Variants in PDE4B observed in about 807,000 individuals in gnomAD.
PDE4B encodes the protein phosphodiesterase 4B.
A neutral mutation model predicts 82.2 loss-of-function variants in PDE4B; 20 were observed. That is an observed-to-expected ratio of 0.24 (90% CI 0.17 to 0.35). The LOEUF is 0.35. Ranked by LOEUF, PDE4B falls within the 10% of genes least tolerant of loss-of-function variation. The pLI is 1.00. For synonymous variants in PDE4B, 320 were observed against 318.9 expected, an observed-to-expected ratio of 1.00 and a Z score of -0.04; for missense variants, 655 against 907.2, an observed-to-expected ratio of 0.72 and a Z score of 3.57.
chr1:65,989,117 C>CT (rs1210690921), intron 3 of PDE4B, among the ~76,000 whole-genome samples: 21 of 152,048 alleles, frequency 1.4e-4, no homozygotes, highest in African/African-American at 4.6e-4. Flanking sequence ...GACTATATAA[C>CT]TATTCAAATC....
intron 3 of PDE4B, among the ~76,000 whole-genome samples, chr1:66,136,178 C>T (rs1230262064): frequency 2.0e-5 from 3 of 152,140 alleles, no homozygotes; most frequent in Admixed American, 2.0e-4. Context: ...TCCACTAGTA[C>T]CACCCTAATC....
chr1:66,306,454 A>T (rs1364433547), intron 7 of PDE4B, among the ~76,000 whole-genome samples: 3 of 152,154 alleles, frequency 2.0e-5, no homozygotes, highest in Non-Finnish European at 4.4e-5. Flanking sequence ...CACTGAATGC[A>T]ATAGATATTT....
intron 3 of PDE4B, among the ~76,000 whole-genome samples, chr1:66,151,276 C>G (rs17128463): frequency 6.6e-6 from 1 of 152,122 alleles, no homozygotes; most frequent in East Asian, 1.9e-4. Context: ...GCAGCTGAAG[C>G]TGAAGTGACT....
chr1:65,927,373 A>G lies in PDE4B; in HGVS notation c.281+8538A>G, dbSNP rs115411895. 4.3e-3 allele frequency among the ~76,000 whole-genome samples: 642 copies of G among 149,406 alleles called. 4 individuals carry two copies. Among genetic ancestry groups the G allele is most frequent in the African/African-American group, 0.015 (605 of 40,592 alleles). ...ATGGGAATATTCTGTTTTAAGATAT[A>G]TATACTACATGTGAAGGCAGACTTA... is the stretch of plus-strand genomic sequence containing the variant. On this transcript the variant is annotated intron_variant, in intron 3 of 16. Transcript: ENST00000341517.
chr1:66,357,782 A>C (rs954057070), intron 9 of PDE4B, among the ~76,000 whole-genome samples: 2 of 152,156 alleles, frequency 1.3e-5, no homozygotes, highest in Non-Finnish European at 2.9e-5. Context: ...CAAAAGATGC[A>C]TCAGTTGCCT....
chr1:66,294,503 G>A (rs1036940459), intron 7 of PDE4B, among the ~76,000 whole-genome samples: 2 of 152,042 alleles, frequency 1.3e-5, no homozygotes, highest in Non-Finnish European at 2.9e-5. Context: ...CACTATCTTC[G>A]TAGCCCAAAT....
intron 1 of PDE4B, among the ~76,000 whole-genome samples, chr1:65,821,404 A>G (rs1645951028): frequency 6.6e-6 from 1 of 152,200 alleles, no homozygotes; most frequent in African/African-American, 2.4e-5. Context: ...GAAACTATTT[A>G]ACAAGTTCTT....
intron 3 of PDE4B, among the ~76,000 whole-genome samples, chr1:65,920,994 A>C (rs1409421541): frequency 4.1e-5 from 4 of 96,724 alleles, no homozygotes; most frequent in Admixed American, 3.5e-4. Context: ...TTTGAGACGG[A>C]GTCTCGCTCT....
chr1:65,965,813 T>C (rs1649788753), intron 3 of PDE4B, among the ~76,000 whole-genome samples: 1 of 152,104 alleles, frequency 6.6e-6, no homozygotes, highest in South Asian at 2.1e-4. Flanking sequence ...ATTATCTCAA[T>C]AGATGCAGAA....
upstream of PDE4B, among the ~76,000 whole-genome samples, chr1:65,792,815 G>C (rs1311497267): frequency 1.3e-5 from 2 of 151,976 alleles, no homozygotes; most frequent in Non-Finnish European, 2.9e-5. Flanking sequence ...AGCGCAGCGC[G>C]GCAGACCAAG....
intron 3 of PDE4B, among the ~76,000 whole-genome samples, chr1:66,048,363 T>C (rs1162890756): frequency 6.6e-6 from 1 of 151,992 alleles, no homozygotes; most frequent in Non-Finnish European, 1.5e-5. Context: ...AATCTTTTCT[T>C]GCAGTCAATA....
At chr1:65,868,919 C>T (rs768356888) in intron 1 of PDE4B, among the ~76,000 whole-genome samples, 3 of 152,152 alleles carry the variant, frequency 2.0e-5, no homozygotes, top group Non-Finnish European at 4.4e-5. Context: ...CTGAAACCAC[C>T]TCCCTCCCAC....
intron 3 of PDE4B, among the ~76,000 whole-genome samples, chr1:66,184,407 G>A (rs1647137345): frequency 6.6e-6 from 1 of 152,108 alleles, no homozygotes; most frequent in Non-Finnish European, 1.5e-5. Context: ...GGCAATCATA[G>A]ACAAACTCTC....
At chr1:66,343,236 T>A (rs1427332733) in intron 8 of PDE4B, among the ~76,000 whole-genome samples, 1 of 152,196 alleles carries the variant, frequency 6.6e-6, no homozygotes, top group African/African-American at 2.4e-5. Flanking sequence ...GACTTCCAAC[T>A]TCCTCTCTAC....
At chr1:65,994,343 G>A (rs1243485006) in intron 3 of PDE4B, among the ~76,000 whole-genome samples, 1 of 152,122 alleles carries the variant, frequency 6.6e-6, no homozygotes, top group East Asian at 1.9e-4. Flanking sequence ...TGGCATATAT[G>A]ATGTGCTTAT....
intron 3 of PDE4B, among the ~76,000 whole-genome samples, chr1:66,081,395 T>G (rs1656714832): frequency 6.6e-6 from 1 of 152,052 alleles, no homozygotes; most frequent in South Asian, 2.1e-4. Context: ...CCAAACATTC[T>G]GAGGTCTACA....
chr1:66,156,328 G>A (rs1646500520), intron 3 of PDE4B, among the ~76,000 whole-genome samples: 1 of 152,158 alleles, frequency 6.6e-6, no homozygotes, highest in Admixed American at 6.5e-5. Flanking sequence ...AGAAGTAGGA[G>A]AGTGTTTATG....
intron 3 of PDE4B, among the ~76,000 whole-genome samples, chr1:66,239,028 A>G (rs1289257879): frequency 1.3e-5 from 2 of 152,226 alleles, no homozygotes; most frequent in Non-Finnish European, 2.9e-5. Context: ...CTACTTTAGT[A>G]AAAACTAGTT....
chr1:66,088,150 G>A (rs2100982744), intron 3 of PDE4B, among the ~76,000 whole-genome samples: 1 of 151,904 alleles, frequency 6.6e-6, no homozygotes, highest in South Asian at 2.1e-4. Flanking sequence ...CTTGGTGATT[G>A]CCTGTGTGAA....
Sources: allele counts gnomAD v4.1 joint callset (sites outside exome capture counted in the v4.1 genomes callset), GRCh38; gene constraint gnomAD v4.1.1; transcripts MANE v1.5; gene names NCBI Gene and HGNC (gene_info 2026-07-23, HGNC 2026-07-21).